Variants in NLGN1 observed in about 807,000 individuals in gnomAD.
NLGN1 encodes the protein neuroligin 1.
In NLGN1, 12 loss-of-function variants were observed where a neutral mutation model predicts 65.5. The ratio of observed to expected loss-of-function variants is 0.18; its 90% CI spans 0.12 to 0.30. NLGN1 has a LOEUF of 0.30. NLGN1 is among the 10% of genes least tolerant of loss of function. The probability of loss-of-function intolerance (pLI) is 1.00; values close to 1 mark genes in which losing one functional copy is unlikely to be tolerated. For synonymous variants in NLGN1, 350 were observed against 359.5 expected (o/e 0.97, Z 0.30); for missense variants, 750 against 1,007.1 (o/e 0.74, Z 3.46).
intron 3 of NLGN1, among the ~76,000 whole-genome samples, chr3:173,664,750 G>A (rs925085968): frequency 6.6e-6 from 1 of 152,098 alleles, no homozygotes; most frequent in African/African-American, 2.4e-5. Context: ...TTACTGAGTC[G>A]CAGAGAAGTT....
At chr3:174,152,754 G>A (rs551490760) in intron 4 of NLGN1, among the ~76,000 whole-genome samples, 1 of 152,174 alleles carries the variant, frequency 6.6e-6, no homozygotes, top group Admixed American at 6.5e-5. Flanking sequence ...TGAGCATCAA[G>A]TGAGTCCTAT....
At chr3:173,460,203 G>GGCCT in intron 2 of NLGN1, among the ~76,000 whole-genome samples, 1 of 151,920 alleles carries the variant, frequency 6.6e-6, no homozygotes, top group African/African-American at 2.4e-5. Context: ...ATTACCCTTT[G>GGCCT]GCCTCATAAT....
intron 2 of NLGN1, among the ~76,000 whole-genome samples, chr3:173,572,575 G>A (rs1334790843): frequency 1.3e-5 from 2 of 152,198 alleles, no homozygotes; most frequent in Admixed American, 6.5e-5. Context: ...CCTGACCTTA[G>A]TTGACCCTTC....
chr3:173,677,943 G>C (rs561593374), intron 3 of NLGN1, among the ~76,000 whole-genome samples: 45 of 152,226 alleles, frequency 3.0e-4, no homozygotes, highest in African/African-American at 1.1e-3. Context: ...ACACCATGAC[G>C]TAGTGTCATA....
At chr3:173,826,777 A>G (rs946564028) in intron 4 of NLGN1, among the ~76,000 whole-genome samples, 5 of 151,980 alleles carry the variant, frequency 3.3e-5, no homozygotes, top group African/African-American at 9.7e-5. Context: ...TTTATATTAT[A>G]CTGGTAAATG....
chr3:173,838,315 T>C (rs1368827133), intron 4 of NLGN1, among the ~76,000 whole-genome samples: 2 of 152,282 alleles, frequency 1.3e-5, no homozygotes, highest in African/African-American at 2.4e-5. Flanking sequence ...ATAAAATAGA[T>C]ATGATAACCA....
At chr3:174,257,235 T>C (rs570868857) in intron 4 of NLGN1, among the ~76,000 whole-genome samples, 6 of 152,266 alleles carry the variant, frequency 3.9e-5, no homozygotes, top group East Asian at 1.9e-4. Context: ...AGAATGGCTA[T>C]TATTAAAAAG....
intron 4 of NLGN1, among the ~76,000 whole-genome samples, chr3:174,080,922 GGTGTGTGT>G (rs571057944): frequency 2.1e-4 from 29 of 141,202 alleles, no homozygotes; most frequent in African/African-American, 4.6e-4. Context: ...TGACATTCCT[GGTGTGTGT>G]GTGTGTGTGT....
intron 4 of NLGN1, among the ~76,000 whole-genome samples, chr3:174,234,985 C>CT (rs748911027): frequency 0.017 from 1,095 of 65,728 alleles, 232 homozygotes; most frequent in Middle Eastern, 0.021. Context: ...AAGGAATCAC[C>CT]TTTTTTTTTT....
chr3:173,568,129 TTTCCTTCC>T (rs576675821), intron 2 of NLGN1, among the ~76,000 whole-genome samples: 2 of 151,654 alleles, frequency 1.3e-5, no homozygotes, highest in East Asian at 1.9e-4. Context: ...GTACAATAGA[TTTCCTTCC>T]TTCCTTCCTT....
chr3:173,584,244 GAAA>G lies in NLGN1; in HGVS notation c.-320-20022_-320-20020del, dbSNP rs78174265. Among the ~76,000 whole-genome samples the G allele has an allele frequency of 5.0e-5, 4 of 80,716 alleles. No homozygotes were observed. The East Asian group carries it at 1.3e-3, about 26-fold the overall frequency. 53.0% of individuals were successfully genotyped at this position (80,716 alleles called of 152,430 possible). On this transcript the variant is annotated intron_variant, in intron 2 of 6. Coordinates refer to ENST00000457714, the Ensembl canonical transcript of NLGN1. ...AGCCAGTTATCTAAAGGGGCAGAAA[GAAA>G]AAAAAAAAAAAAGGTGAGGAGAGGG...
At chr3:173,921,431 A>C (rs571161042) in intron 4 of NLGN1, among the ~76,000 whole-genome samples, 1 of 151,454 alleles carries the variant, frequency 6.6e-6, no homozygotes, top group South Asian at 2.1e-4. Flanking sequence ...CACGTAAAAA[A>C]ATGGTTTTCT....
intron 3 of NLGN1, among the ~76,000 whole-genome samples, chr3:173,721,942 TA>T (rs34282659): frequency 1.4e-4 from 21 of 147,074 alleles, no homozygotes; most frequent in Non-Finnish European, 7.5e-5. Flanking sequence ...TATCTGCTCG[TA>T]AAAAAAAAAA....
At chr3:174,259,617 G>T (rs1746465259) in intron 4 of NLGN1, among the ~76,000 whole-genome samples, 1 of 151,702 alleles carries the variant, frequency 6.6e-6, no homozygotes, top group Non-Finnish European at 1.5e-5. Flanking sequence ...ACAATTAAAT[G>T]TTTGGTTTCA....
At chr3:173,749,870 T>C (rs1269786930) in intron 3 of NLGN1, among the ~76,000 whole-genome samples, 1 of 152,078 alleles carries the variant, frequency 6.6e-6, no homozygotes, top group Non-Finnish European at 1.5e-5. Flanking sequence ...CTATATTACA[T>C]TCCAGTCTTC....
chr3:174,190,189 A>G (rs938668714), intron 4 of NLGN1, among the ~76,000 whole-genome samples: 1 of 152,068 alleles, frequency 6.6e-6, no homozygotes, highest in South Asian at 2.1e-4. Flanking sequence ...AGAGTTTTAG[A>G]CTGTTTTGTT....
chr3:174,187,519 A>T (rs1191035159), intron 4 of NLGN1, among the ~76,000 whole-genome samples: 4 of 152,024 alleles, frequency 2.6e-5, no homozygotes, highest in Admixed American at 1.3e-4. Flanking sequence ...TAGAGAGATA[A>T]TGCTTTTGCT....
chr3:173,655,179 G>A (rs1475694435), intron 3 of NLGN1, among the ~76,000 whole-genome samples: 2 of 151,930 alleles, frequency 1.3e-5, no homozygotes, highest in African/African-American at 2.4e-5. Flanking sequence ...GTATTTTAAC[G>A]GAAAGAAAAA....
At chr3:174,039,023 G>A (rs1010923662) in intron 4 of NLGN1, among the ~76,000 whole-genome samples, 11 of 152,140 alleles carry the variant, frequency 7.2e-5, no homozygotes, top group African/African-American at 2.7e-4. Flanking sequence ...CCATAGACAT[G>A]AGCATCAAAA....
Sources: allele counts gnomAD v4.1 joint callset (sites outside exome capture counted in the v4.1 genomes callset), GRCh38; gene constraint gnomAD v4.1.1; transcripts MANE v1.5; gene names NCBI Gene and HGNC (gene_info 2026-07-23, HGNC 2026-07-21).